The following URGCP variants were observed in gnomAD, a reference collection of about 807,000 sequenced individuals.
URGCP encodes up-regulator of cell proliferation.
In URGCP, 13 loss-of-function variants were observed where a neutral mutation model predicts 24.6. The ratio of observed to expected loss-of-function variants is 0.53; its 90% CI spans 0.34 to 0.84. The LOEUF (loss-of-function observed/expected upper bound fraction) is 0.84. Among genes scored for constraint, URGCP ranks in the 40% least tolerant of loss-of-function variants. The pLI is 0.01. For missense variants in URGCP, 899 were observed against 1,194.3 expected, an observed-to-expected ratio of 0.75 and a Z score of 3.64; for synonymous variants, 444 against 487.2, an observed-to-expected ratio of 0.91 and a Z score of 1.17.
intron 1 of URGCP, among the ~76,000 whole-genome samples, chr7:43,900,916 C>T (rs890612412): frequency 2.6e-5 from 4 of 152,198 alleles, no homozygotes; most frequent in Non-Finnish European, 5.9e-5. Flanking sequence ...CTGGAAGATA[C>T]TGCATGTGTT....
At chr7:43,905,720 T>C (rs2095900684) in intron 1 of URGCP, 1 of 152,180 alleles carries the variant, frequency 6.6e-6, no homozygotes, top group South Asian at 2.1e-4. Flanking sequence ...TTTTAACAAC[T>C]AAAGCGATGA....
chr7:43,917,537 G>A lies in URGCP; in HGVS notation c.-116+8595C>T, dbSNP rs183461710. On this transcript the variant is annotated intron_variant, in intron 1 of 5. Coordinates refer to the URGCP transcript ENST00000426198. ...TTCTGCCATTTTACAGTGGCAGCCCGGGTTCAATCCTGGCTTAGGGAATGA... is the reference window on the plus strand; with the variant it reads ...TTCTGCCATTTTACAGTGGCAGCCCAGGTTCAATCCTGGCTTAGGGAATGA... 2.6e-4 allele frequency among the ~76,000 whole-genome samples: 40 copies of A among 152,282 alleles called. No individual in the cohort carries two copies. In the East Asian group the frequency reaches 5.0e-3, roughly 19 times the overall value.
chr7:43,881,307 G>A (rs1389263807), intron 5 of URGCP: 11 of 687,396 alleles, frequency 1.6e-5, no homozygotes, highest in East Asian at 2.7e-5. Context: ...CAGATAAATC[G>A]TTTCCAAACC....
intron 1 of URGCP, chr7:43,919,339 C>T (rs981949431): frequency 7.1e-6 from 6 of 840,770 alleles, no homozygotes; most frequent in East Asian, 2.4e-5. Context: ...CAGATTGCCA[C>T]AGACCAGATC....
chr7:43,919,269 C>A, intron 1 of URGCP: 1 of 820,876 alleles, frequency 1.2e-6, no homozygotes. Flanking sequence ...ACTCCTCACA[C>A]TCAAGAGGCT....
intron 5 of URGCP, chr7:43,881,140 T>C (rs2095853138): frequency 1.4e-6 from 1 of 698,202 alleles, no homozygotes; most frequent in South Asian, 1.5e-5. Flanking sequence ...GTTTTTCTTG[T>C]CCAGACATGG....
Position 43,878,648 on chromosome 7 carries a change from C to G in URGCP, c.815G>C (p.Ser272Thr), listed in dbSNP as rs1423680446. Reference sequence around the variant, plus strand: ...GTTGAGAAGCTGGGACTTGGAGTTGCTACTGACGTCCATGCGCACGAAGGC... The same window carrying G: ...GTTGAGAAGCTGGGACTTGGAGTTGGTACTGACGTCCATGCGCACGAAGGC... ...AFAFVRMDVS[S>T]NSKSQLLNAV... The change falls in exon 6 of 6, where the codon AGC becomes ACC. Residue 272 changes from serine (S) to threonine (T), a missense_variant. Transcript: ENST00000453200. This position sits in a 1 kb window ranked among gnomAD's most constrained non-coding sequence, Gnocchi z 5.6. The G allele has an allele frequency of 3.1e-6, 5 of 1,613,452 alleles. No homozygotes were observed. The highest frequency in any genetic ancestry group is 3.3e-4 in the Middle Eastern group (2 of 6,062).
At position 43,876,822 on chromosome 7, in the gene URGCP, G is replaced by C; in HGVS notation, c.2641C>G (p.Leu881Val). 6.2e-7 allele frequency: 1 copy of C among 1,614,216 alleles called. No homozygotes were observed. Among genetic ancestry groups the C allele is most frequent in the Non-Finnish European group, 8.5e-7 (1 of 1,180,050 alleles). ...EKQHIWHIPGLWHGAPPMAAV... is the reference protein window; with the variant it reads ...EKQHIWHIPGVWHGAPPMAAV... ...GCCATGGGAGGTGCTCCGTGCCACAGGCCTGGGATGTGCCAGATGTGCTGC... is the reference window on the plus strand; with the variant it reads ...GCCATGGGAGGTGCTCCGTGCCACACGCCTGGGATGTGCCAGATGTGCTGC... Residue 881 changes from leucine to valine, a missense_variant, in exon 6 of 6, where the codon CTG becomes GTG. By Grantham distance (32) the Leu-to-Val change is conservative. Coordinates refer to ENST00000453200, the MANE Select transcript of URGCP (RefSeq NM_001077663.3).
chr7:43,879,295 T>G, intron 5 of URGCP, 35 bp from the exon 6 acceptor site: 1 of 1,560,200 alleles, frequency 6.4e-7, no homozygotes, highest in Non-Finnish European at 8.6e-7. Flanking sequence ...GTGCTCACCC[T>G]GTGTTTCTGA....
intron 1 of URGCP, among the ~76,000 whole-genome samples, chr7:43,920,688 C>G (rs1196731935): frequency 6.6e-6 from 1 of 151,888 alleles, no homozygotes; most frequent in Non-Finnish European, 1.5e-5. Flanking sequence ...GTCTTGCTAC[C>G]CTTAATGCAT....
intron 1 of URGCP, among the ~76,000 whole-genome samples, chr7:43,922,854 T>C (rs1394713969): frequency 2.0e-5 from 3 of 152,150 alleles, no homozygotes; most frequent in African/African-American, 7.2e-5. Flanking sequence ...CTGCTGGGAT[T>C]ATAGATGTAA....
intron 3 of URGCP, 130 bp downstream of exon 3, chr7:43,887,285 A>G: frequency 9.8e-7 from 1 of 1,018,790 alleles, no homozygotes; most frequent in Non-Finnish European, 1.4e-6. Context: ...GAAAAATAAA[A>G]GCCTTAAACT....
chr7:43,918,291 A>C (rs2132729343), intron 1 of URGCP, among the ~76,000 whole-genome samples: 1 of 151,922 alleles, frequency 6.6e-6, no homozygotes, highest in Admixed American at 6.6e-5. Context: ...AGAAAGAAAA[A>C]AAGGATTTCC....
At chr7:43,909,345 A>G (rs544792540), upstream of URGCP, among the ~76,000 whole-genome samples, 3 of 152,358 alleles carry the variant, frequency 2.0e-5, no homozygotes, top group South Asian at 6.2e-4. Context: ...TTGCCTTCCC[A>G]GCACAATCAC....
intron 1 of URGCP, among the ~76,000 whole-genome samples, chr7:43,901,785 C>T (rs921815652): frequency 1.8e-4 from 28 of 152,326 alleles, no homozygotes; most frequent in African/African-American, 6.5e-4. Flanking sequence ...AAAGCTGAGC[C>T]TTTCCCTTCC....
intron 1 of URGCP, among the ~76,000 whole-genome samples, chr7:43,893,092 C>T (rs558097337): frequency 3.6e-4 from 55 of 152,150 alleles, no homozygotes; most frequent in South Asian, 1.5e-3. Context: ...CTTTGGGAGG[C>T]CAATGTGGGA....
intron 1 of URGCP, among the ~76,000 whole-genome samples, chr7:43,892,059 G>T (rs1008911241): frequency 6.6e-6 from 1 of 151,980 alleles, no homozygotes; most frequent in African/African-American, 2.4e-5. Flanking sequence ...GGGATTACAG[G>T]TATGAGCCAC....
At position 43,918,734 on chromosome 7, in the gene URGCP, C is replaced by T. The variant is rs534599088; in HGVS notation, c.-116+7398G>A. Reference sequence around the variant, plus strand: ...ATCATCACCCACAATTGGGCCAGTGCAGCAATCAGATTGGGTTCGAGTTCT... The same window carrying T: ...ATCATCACCCACAATTGGGCCAGTGTAGCAATCAGATTGGGTTCGAGTTCT... On this transcript the variant is annotated intron_variant, in intron 1 of 5. Transcript: ENST00000426198. 7.8e-6 allele frequency: 6 copies of T among 764,412 alleles called. No homozygotes were observed. The African/African-American group carries it at 1.0e-4, about 13-fold the overall frequency. The allele number at this position is 764,412 out of a possible 1,614,324, so 47.4% of individuals were successfully genotyped here. A position where few individuals can be genotyped will look rare whatever the true frequency, so the allele number is the denominator to read the frequency against.
At chr7:43,911,399 CAAAT>C (rs2095909925), upstream of URGCP, among the ~76,000 whole-genome samples, 1 of 149,482 alleles carries the variant, frequency 6.7e-6, no homozygotes, top group Non-Finnish European at 1.5e-5. Context: ...GACTCCATCT[CAAAT>C]AAATAAATAG....
Sources: gnomAD v4.1 joint callset for allele counts (sites outside exome capture counted in the v4.1 genomes callset) on GRCh38, gnomAD v4.1.1 for gene constraint, Gnocchi (gnomAD v3.1) non-coding constraint, MANE v1.5 for transcripts, NCBI Gene and HGNC (gene_info 2026-07-23, HGNC 2026-07-21) for gene names.